Variants in RPA4 observed in about 807,000 individuals in gnomAD.
RPA4 encodes replication protein A 30 kDa subunit.
For missense variants in RPA4, 229 were observed against 215.5 expected, an observed-to-expected ratio of 1.06 and a Z score of -0.39; for synonymous variants, 88 against 84.4, an observed-to-expected ratio of 1.04 and a Z score of -0.23.
At position 96,884,604 on chromosome X, in the gene RPA4, C is replaced by T. The variant is rs1462207663; in HGVS notation, c.294C>T (p.Thr98=). The T allele has an allele frequency of 8.3e-6, 10 of 1,210,006 alleles. No homozygotes were observed. The South Asian group carries it at 1.1e-4, about 13-fold the overall frequency. Residue 98 remains threonine (T), a synonymous_variant, in exon 1 of 1, where the codon ACC becomes ACT. Coordinates refer to ENST00000373040, the MANE Select transcript of RPA4 (RefSeq NM_013347.4). The stretch of plus-strand genomic sequence containing the variant: ...TTTGTTACAAAATTGATGATATGAC[C>T]GCGAAACCAATCGAGGCCCGACAGT... ...NHICYKIDDM[T]AKPIEARQWF... is the part of the protein sequence containing the mutation.
At position 96,885,174 on chromosome X, in the gene RPA4, G is replaced by A; in HGVS notation, c.*78G>A. 1 of 869,419 alleles carries A rather than the reference G, an allele frequency of 1.2e-6. No homozygotes were observed. The highest frequency in any genetic ancestry group is 1.6e-6 in the Non-Finnish European group (1 of 619,711). The allele number at this position is 869,419 out of a possible 1,213,427, so 71.6% of individuals were successfully genotyped here. On this transcript the variant is annotated 3_prime_UTR_variant, in exon 1 of 1. Coordinates refer to ENST00000373040, the MANE Select transcript of RPA4 (RefSeq NM_013347.4). ...TAATTTTGACCTGTTGACTTTTTAG[G>A]AAGTAGGACTAAAAAAAAAAATCTC...
chrX:96,885,449 C>CAAAAGAA lies in RPA4; in HGVS notation c.*357_*358insGAAAAAA, dbSNP rs2065254300. On this transcript the variant is annotated 3_prime_UTR_variant, in exon 1 of 1. Coordinates refer to ENST00000373040, the MANE Select transcript of RPA4 (RefSeq NM_013347.4). ...TGCAGTCAGGGAGCCAGCGAAAAGA[C>CAAAAGAA]AAAAAAAAAAAAAAAAAAAAAAAAA... 2.9e-5 allele frequency: 1 copy of CAAAAGAA among 34,256 alleles called. No homozygotes were observed. Among genetic ancestry groups the CAAAAGAA allele is most frequent in the Non-Finnish European group, 4.9e-5 (1 of 20,258 alleles). 2.8% of individuals were successfully genotyped at this position (34,256 alleles called of 1,213,427 possible). A position where few individuals can be genotyped will look rare whatever the true frequency, so the allele number is the denominator to read the frequency against.
chrX:96,884,694 T>C lies in RPA4; in HGVS notation c.384T>C (p.Phe128=). ...CAGTCGGAGTATATGTCAAAGTGTT[T>C]GGTATCCTCAAATGTCCCACGGGAA... ...PLSVGVYVKV[F]GILKCPTGTK... The change falls in exon 1 of 1, where the codon TTT becomes TTC. Residue 128 remains phenylalanine, a synonymous_variant. Transcript: ENST00000373040. The C allele has an allele frequency of 8.3e-7, 1 of 1,211,093 alleles. No individual in the cohort carries two copies. Among genetic ancestry groups the C allele is most frequent in the Non-Finnish European group, 1.1e-6 (1 of 895,372 alleles).
chrX:96,884,595 T>C lies in RPA4; in HGVS notation c.285T>C (p.Asp95=). Residue 95 remains aspartate, a synonymous_variant, in exon 1 of 1, where the codon GAT becomes GAC. Transcript: ENST00000373040. ...CAAATCACATTTGTTACAAAATTGATGATATGACCGCGAAACCAATCGAGG... is the reference window on the plus strand; with the variant it reads ...CAAATCACATTTGTTACAAAATTGACGATATGACCGCGAAACCAATCGAGG... ...KASNHICYKI[D]DMTAKPIEAR... The C allele has an allele frequency of 8.3e-7, 1 of 1,210,471 alleles. No homozygotes were observed.
rs1005836154 is a variant in RPA4 at position 96,884,900 on chromosome X, A to T, written c.590A>T (p.His197Leu). ...VNDAGDNDES[H>L]RNFIQDEVLR... ...GATGCTGGGGATAACGATGAGAGTC[A>T]CCGCAATTTCATCCAGGACGAAGTG... Residue 197 changes from histidine (H) to leucine (L), a missense_variant, in exon 1 of 1, where the codon CAC becomes CTC. Coordinates refer to ENST00000373040, the MANE Select transcript of RPA4 (RefSeq NM_013347.4). 2 of 1,208,992 alleles carry T rather than the reference A, an allele frequency of 1.7e-6. No homozygotes were observed. The highest frequency in any genetic ancestry group is 2.2e-6 in the Non-Finnish European group (2 of 894,859).
In RPA4 at chrX:96,884,268, C is replaced by T. The variant is rs768443110; in HGVS notation, c.-43C>T. On this transcript the variant is annotated 5_prime_UTR_variant, in exon 1 of 1. The change creates a new upstream start codon in the 5' untranslated region. Coordinates refer to ENST00000373040, the MANE Select transcript of RPA4 (RefSeq NM_013347.4). The stretch of plus-strand genomic sequence containing the variant: ...TCAAAGCCGTCCGTGGAGCCCCAGA[C>T]GAGCCAAAGCCCACCTTCTCCTCAG... 1.7e-6 allele frequency: 2 copies of T among 1,150,585 alleles called. No homozygotes were observed. The highest frequency in any genetic ancestry group is 2.3e-6 in the Non-Finnish European group (2 of 854,770). 94.8% of individuals were successfully genotyped at this position (1,150,585 alleles called of 1,213,427 possible). A position where few individuals can be genotyped will look rare whatever the true frequency, so the allele number is the denominator to read the frequency against.
At position 96,884,692 on chromosome X, in the gene RPA4, T is replaced by C; in HGVS notation, c.382T>C (p.Phe128Leu). The change falls in exon 1 of 1, where the codon TTT becomes CTT. Residue 128 changes from phenylalanine (F) to leucine (L), a missense_variant. Physicochemically the swap from Phe to Leu is conservative, Grantham distance 22. Transcript: ENST00000373040. ...GTCAGTCGGAGTATATGTCAAAGTG[T>C]TTGGTATCCTCAAATGTCCCACGGG... ...PLSVGVYVKV[F>L]GILKCPTGTK... 4.1e-6 allele frequency: 5 copies of C among 1,210,608 alleles called. No individual in the cohort carries two copies. The highest frequency in any genetic ancestry group is 5.6e-6 in the Non-Finnish European group (5 of 895,166).
chrX:96,884,939 A>G lies in RPA4; in HGVS notation c.629A>G (p.His210Arg). 2.5e-6 allele frequency: 3 copies of G among 1,211,411 alleles called. No individual in the cohort carries two copies. The highest frequency in any genetic ancestry group is 3.4e-6 in the Non-Finnish European group (3 of 895,449). Residue 210 changes from histidine to arginine, a missense_variant, in exon 1 of 1, where the codon CAT (histidine) becomes CGT (arginine). Coordinates refer to ENST00000373040, the MANE Select transcript of RPA4 (RefSeq NM_013347.4). ...FIQDEVLRLI[H>R]ECPHQEGKSI... is the part of the protein sequence containing the mutation. ...CAGGACGAAGTGCTGCGTTTGATTC[A>G]TGAGTGTCCTCATCAGGAAGGGAAG...
rs1367548002 is a variant in RPA4, at chrX:96,884,513, G to A, written c.203G>A (p.Gly68Glu). The change falls in exon 1 of 1, where the codon GGA becomes GAA. Residue 68 changes from glycine (G) to glutamate (E), a missense_variant. Gly to Glu is a moderately conservative substitution (Grantham distance 98). Coordinates refer to ENST00000373040, the MANE Select transcript of RPA4 (RefSeq NM_013347.4). ...TVFDPVFKVRGIIVSQVSIVG... is the reference protein window; with the variant it reads ...TVFDPVFKVREIIVSQVSIVG... ...TTTGACCCTGTGTTCAAGGTTAGGG[G>A]AATTATAGTTTCCCAGGTCTCCATC... 3.3e-6 allele frequency: 4 copies of A among 1,208,195 alleles called. No homozygotes were observed. Among genetic ancestry groups the A allele is most frequent in the Non-Finnish European group, 4.5e-6 (4 of 894,409 alleles).
rs750227098 is a variant in RPA4, at chrX:96,884,197, CAGCTCGAAGCCTTCTGTGGAG to C, written c.-91_-71del. On this transcript the variant is annotated 5_prime_UTR_variant, in exon 1 of 1. Transcript: ENST00000373040. ...CAGCATTCAATCGTAGCCTTTCGGA[CAGCTCGAAGCCTTCTGTGGAG>C]AGCTCGAAGCCTTCTGTGGAGAACT... 5.1e-4 allele frequency: 295 copies of C among 578,675 alleles called. No individual in the cohort carries two copies. Among genetic ancestry groups the C allele is most frequent in the African/African-American group, 3.3e-3 (140 of 42,997 alleles). 47.7% of individuals were successfully genotyped at this position (578,675 alleles called of 1,213,427 possible).
At position 96,884,924 on chromosome X, in the gene RPA4, T is replaced by G; in HGVS notation, c.614T>G (p.Val205Gly). Residue 205 changes from valine (V) to glycine (G), a missense_variant, in exon 1 of 1, where the codon GTG (valine) becomes GGG (glycine). Coordinates refer to ENST00000373040, the MANE Select transcript of RPA4 (RefSeq NM_013347.4). The stretch of plus-strand genomic sequence containing the variant: ...CACCGCAATTTCATCCAGGACGAAG[T>G]GCTGCGTTTGATTCATGAGTGTCCT... Reference protein sequence around the residue: ...ESHRNFIQDEVLRLIHECPHQ... With the variant: ...ESHRNFIQDEGLRLIHECPHQ... The G allele has an allele frequency of 8.3e-7, 1 of 1,211,309 alleles. No homozygotes were observed. Among genetic ancestry groups the G allele is most frequent in the Non-Finnish European group, 1.1e-6 (1 of 895,407 alleles).
At chrX:96,885,449 C>CAAAAAAAAAAAAAAA (rs60706314) in exon 1 of RPA4, 2 of 34,256 alleles carry the variant, frequency 5.8e-5, no homozygotes, top group African/African-American at 2.4e-4. Context: ...AGCGAAAAGA[C>CAAAAAAAAAAAAAAA]AAAAAAAAAA....
Position 96,885,358 on chromosome X carries a change from T to G in RPA4, c.*262T>G, listed in dbSNP as rs3138319. The G allele has an allele frequency of 0.02, 4,145 of 205,594 alleles. 189 individuals are homozygous for G. The highest frequency in any genetic ancestry group is 0.13 in the African/African-American group (3,741 of 29,891). 16.9% of individuals were successfully genotyped at this position (205,594 alleles called of 1,213,427 possible). On this transcript the variant is annotated 3_prime_UTR_variant, in exon 1 of 1. Coordinates refer to ENST00000373040, the MANE Select transcript of RPA4 (RefSeq NM_013347.4). ...AACATGATTTTCGGGGAAGAAAAACTACAGAAAATGTAGAAATTTATTATT... is the reference window on the plus strand; with the variant it reads ...AACATGATTTTCGGGGAAGAAAAACGACAGAAAATGTAGAAATTTATTATT...
rs754967120 is a variant in RPA4 at position 96,884,689 on chromosome X, G to GT, written c.380dup (p.Phe128ValfsTer14). ...ATTGTCAGTCGGAGTATATGTCAAA[G>GT]TGTTTGGTATCCTCAAATGTCCCAC... is the stretch of plus-strand genomic sequence containing the variant. On this transcript the variant is annotated frameshift_variant, in exon 1 of 1. Transcript: ENST00000373040. LOFTEE classifies it low-confidence loss of function (END_TRUNC). The GT allele has an allele frequency of 8.3e-7, 1 of 1,211,199 alleles. No homozygotes were observed. Among genetic ancestry groups the GT allele is most frequent in the Non-Finnish European group, 1.1e-6 (1 of 895,362 alleles).
Position 96,884,053 on chromosome X carries a change from C to G in RPA4, c.-258C>G. ...TTAGAATGTAGCAACCACTGACACA[C>G]AGGGAAGGATTATGCGATCAGGTGA... On this transcript the variant is annotated 5_prime_UTR_variant, in exon 1 of 1. Coordinates refer to ENST00000373040, the MANE Select transcript of RPA4 (RefSeq NM_013347.4). The G allele has an allele frequency of 3.2e-6, 1 of 308,209 alleles. No individual in the cohort carries two copies. The allele number at this position is 308,209 out of a possible 1,213,427, so 25.4% of individuals were successfully genotyped here.
Position 96,884,157 on chromosome X carries a change from A to T in RPA4, c.-154A>T, listed in dbSNP as rs1434835107. The T allele has an allele frequency of 5.5e-5, 25 of 457,216 alleles. No individual in the cohort carries two copies. Among genetic ancestry groups the T allele is most frequent in the Non-Finnish European group, 8.9e-5 (24 of 270,805 alleles). 37.7% of individuals were successfully genotyped at this position (457,216 alleles called of 1,213,427 possible). A position where few individuals can be genotyped will look rare whatever the true frequency, so the allele number is the denominator to read the frequency against. On this transcript the variant is annotated 5_prime_UTR_variant, in exon 1 of 1. Coordinates refer to ENST00000373040, the MANE Select transcript of RPA4 (RefSeq NM_013347.4). ...GTCCACAGGTAGCGTGACGCTTGTC[A>T]CGTCCTCAGCCTCCCAGCATTCAAT...
At position 96,884,605 on chromosome X, in the gene RPA4, G is replaced by A. The variant is rs773544923; in HGVS notation, c.295G>A (p.Ala99Thr). ...TTGTTACAAAATTGATGATATGACC[G>A]CGAAACCAATCGAGGCCCGACAGTG... ...HICYKIDDMT[A>T]KPIEARQWFG... Residue 99 changes from alanine (A) to threonine (T), a missense_variant, in exon 1 of 1, where the codon GCG becomes ACG. By Grantham distance (58) the Ala-to-Thr change is moderately conservative. Coordinates refer to ENST00000373040, the MANE Select transcript of RPA4 (RefSeq NM_013347.4). The A allele has an allele frequency of 2.6e-5, 32 of 1,207,696 alleles. No individual in the cohort carries two copies. Among genetic ancestry groups the A allele is most frequent in the Non-Finnish European group, 3.2e-5 (29 of 894,766 alleles).
In RPA4 at chrX:96,884,111, A is replaced by G. The variant is rs371772257; in HGVS notation, c.-200A>G. On this transcript the variant is annotated 5_prime_UTR_variant, in exon 1 of 1. An upstream start codon of the reference 5' UTR is lost. Transcript: ENST00000373040. ...GCCGACCCTGACTGGCTGGAAGCAG[A>G]TGCATTCTGGTAGTTGATTGGTCCA... 117 of 410,667 alleles carry G rather than the reference A, an allele frequency of 2.8e-4. No individual in the cohort carries two copies. In the African/African-American group the frequency reaches 2.9e-3, roughly 10 times the overall value. The allele number at this position is 410,667 out of a possible 1,213,427, so 33.8% of individuals were successfully genotyped here. A position where few individuals can be genotyped will look rare whatever the true frequency, so the allele number is the denominator to read the frequency against.
Position 96,884,570 on chromosome X carries a change from C to T in RPA4, c.260C>T (p.Ser87Leu). The change falls in exon 1 of 1, where the codon TCA (serine) becomes TTA (leucine). Residue 87 changes from serine (S) to leucine (L), a missense_variant. Coordinates refer to ENST00000373040, the MANE Select transcript of RPA4 (RefSeq NM_013347.4). ...VGVIRGAEKA[S>L]NHICYKIDDM... ...GTAATCAGAGGGGCAGAGAAGGCTTCAAATCACATTTGTTACAAAATTGAT... is the reference window on the plus strand; with the variant it reads ...GTAATCAGAGGGGCAGAGAAGGCTTTAAATCACATTTGTTACAAAATTGAT... 1 of 1,210,838 alleles carries T rather than the reference C, an allele frequency of 8.3e-7. No individual in the cohort carries two copies. The highest frequency in any genetic ancestry group is 1.1e-6 in the Non-Finnish European group (1 of 895,315).
Sources: gnomAD v4.1 joint callset for allele counts on GRCh38, gnomAD v4.1.1 for gene constraint, MANE v1.5 for transcripts, NCBI Gene and HGNC (gene_info 2026-07-23, HGNC 2026-07-21) for gene names.